The following CBLB variants were observed in gnomAD, a reference collection of about 807,000 sequenced individuals.
CBLB encodes Cbl proto-oncogene B, also known as E3 ubiquitin-protein ligase CBL-B.
Under a neutral mutation model 104.9 loss-of-function variants are expected in CBLB, and 31 were observed. That is an observed-to-expected ratio of 0.30 (90% CI 0.22 to 0.40). CBLB has a LOEUF of 0.40. Among genes scored for constraint, CBLB ranks in the 10% least tolerant of loss-of-function variants. CBLB has a pLI of 1.00. For missense variants in CBLB, 1,062 were observed against 1,214.6 expected (o/e 0.87, Z 1.87); for synonymous variants, 440 against 422.6 (o/e 1.04, Z -0.51).
At chr3:105,776,574 G>T (rs761214041) in intron 3 of CBLB, 32 bp from the exon 4 acceptor site, 5 of 1,607,726 alleles carry the variant, frequency 3.1e-6, no homozygotes, top group Non-Finnish European at 4.3e-6. Context: ...ATGAAGATAA[G>T]AAATAAACAC....
intron 4 of CBLB, among the ~76,000 whole-genome samples, chr3:105,761,457 G>A (rs1230776339): frequency 1.3e-5 from 2 of 152,172 alleles, no homozygotes; most frequent in African/African-American, 2.4e-5. Flanking sequence ...CTGAATCATG[G>A]GGGCAGTTTC....
intron 3 of CBLB, among the ~76,000 whole-genome samples, chr3:105,837,190 T>C (rs578180003): frequency 1.3e-5 from 2 of 152,230 alleles, no homozygotes. Context: ...TTAAAAAACA[T>C]TGTGCACGCG....
intron 3 of CBLB, among the ~76,000 whole-genome samples, chr3:105,809,629 T>A (rs1396087408): frequency 1.3e-5 from 2 of 152,194 alleles, no homozygotes; most frequent in Non-Finnish European, 2.9e-5. Flanking sequence ...TTTTTTATGA[T>A]TGGTGGAGTC....
At chr3:105,801,074 CTGTT>C (rs1164374124) in intron 3 of CBLB, among the ~76,000 whole-genome samples, 2 of 152,014 alleles carry the variant, frequency 1.3e-5, no homozygotes, top group African/African-American at 2.4e-5. Context: ...ATTCTCACAA[CTGTT>C]TTTTTCTTAA....
intron 3 of CBLB, among the ~76,000 whole-genome samples, chr3:105,791,863 T>G (rs1320588462): frequency 6.6e-6 from 1 of 152,236 alleles, no homozygotes; most frequent in African/African-American, 2.4e-5. Context: ...TGGATTTTAT[T>G]AATATCTATT....
intron 3 of CBLB, among the ~76,000 whole-genome samples, chr3:105,830,409 C>A (rs1336196669): frequency 6.6e-6 from 1 of 152,156 alleles, no homozygotes; most frequent in African/African-American, 2.4e-5. Context: ...CTATAAGGAT[C>A]TGAATGTTTT....
intron 9 of CBLB, among the ~76,000 whole-genome samples, chr3:105,730,510 C>G (rs1321933917): frequency 6.6e-6 from 1 of 151,914 alleles, no homozygotes; most frequent in Admixed American, 6.6e-5. Context: ...TGCGTAATGA[C>G]CAATGTGCAG....
intron 3 of CBLB, among the ~76,000 whole-genome samples, chr3:105,784,527 A>T (rs1011594392): frequency 1.3e-5 from 2 of 152,248 alleles, no homozygotes; most frequent in African/African-American, 2.4e-5. Flanking sequence ...TTTTAAACAA[A>T]TCTACATTAA....
intron 12 of CBLB, among the ~76,000 whole-genome samples, chr3:105,696,592 TAAG>T (rs2152764722): frequency 6.6e-6 from 1 of 151,984 alleles, no homozygotes; most frequent in Middle Eastern, 3.4e-3. Flanking sequence ...AATCCTCAAC[TAAG>T]AAACATTTTT....
intron 3 of CBLB, among the ~76,000 whole-genome samples, chr3:105,846,857 T>C (rs1490129071): frequency 6.6e-6 from 1 of 152,126 alleles, no homozygotes; most frequent in African/African-American, 2.4e-5. Flanking sequence ...AAATTACACA[T>C]ACAGATCAAT....
intron 8 of CBLB, among the ~76,000 whole-genome samples, chr3:105,735,609 C>T (rs1382967454): frequency 6.6e-6 from 1 of 152,118 alleles, no homozygotes; most frequent in Non-Finnish European, 1.5e-5. Flanking sequence ...TTTGAAAATA[C>T]AGGATCACCA....
intron 10 of CBLB, among the ~76,000 whole-genome samples, chr3:105,718,602 A>T (rs1043481812): frequency 1.3e-5 from 2 of 152,218 alleles, no homozygotes; most frequent in Non-Finnish European, 2.9e-5. Context: ...ACACATTATC[A>T]TCACTCCACC....
intron 3 of CBLB, among the ~76,000 whole-genome samples, chr3:105,809,472 T>C (rs1214481815): frequency 6.6e-6 from 1 of 152,174 alleles, no homozygotes; most frequent in Non-Finnish European, 1.5e-5. Context: ...CAGCCACTCA[T>C]GAGTCTACAA....
intron 13 of CBLB, among the ~76,000 whole-genome samples, chr3:105,693,247 C>T (rs918460516): frequency 2.6e-5 from 4 of 151,962 alleles, no homozygotes; most frequent in Non-Finnish European, 4.4e-5. Flanking sequence ...GCAAGGAATG[C>T]GTAGCTTTCT....
chr3:105,799,587 C>T (rs1020063105), intron 3 of CBLB, among the ~76,000 whole-genome samples: 1 of 151,516 alleles, frequency 6.6e-6, no homozygotes, highest in African/African-American at 2.4e-5. Context: ...AGATTACATA[C>T]AAGTGATTTT....
Position 105,737,181 on chromosome 3 carries a change from T to C in CBLB, c.1061A>G (p.Lys354Arg). ...LCEPTPHDHIKVTQEQYELYC... is the reference protein window; with the variant it reads ...LCEPTPHDHIRVTQEQYELYC... ...AGCAATTATCCTTACCTGTGTAACT[T>C]TTATATGGTCATGAGGTGTAGGTTC... The change falls in exon 8 of 19, where the codon AAA becomes AGA. Residue 354 changes from lysine to arginine, a missense_variant. Lys to Arg is a conservative substitution (Grantham distance 26, BLOSUM62 2). Around this residue, in one of 2 missense-constraint regions of CBLB, gnomAD observed 457 missense variants for 632.0 expected, o/e 0.72. Coordinates refer to ENST00000394030, the MANE Select transcript of CBLB (RefSeq NM_170662.5). 1 of 1,559,460 alleles carries C rather than the reference T, an allele frequency of 6.4e-7. No homozygotes were observed. Among genetic ancestry groups the C allele is most frequent in the Non-Finnish European group, 8.8e-7 (1 of 1,133,822 alleles).
chr3:105,827,322 T>A (rs1160110448), intron 3 of CBLB, among the ~76,000 whole-genome samples: 1 of 152,188 alleles, frequency 6.6e-6, no homozygotes, highest in East Asian at 1.9e-4. Flanking sequence ...GAAACTTTTT[T>A]TTTCCCTCGT....
intron 3 of CBLB, among the ~76,000 whole-genome samples, chr3:105,827,897 A>G (rs1481145976): frequency 6.6e-6 from 1 of 152,252 alleles, no homozygotes; most frequent in Non-Finnish European, 1.5e-5. Flanking sequence ...TGCAAATTTG[A>G]AACTTAAACC....
intron 2 of CBLB, among the ~76,000 whole-genome samples, chr3:105,854,866 T>C (rs1378173645): frequency 1.3e-5 from 2 of 151,912 alleles, no homozygotes; most frequent in Non-Finnish European, 2.9e-5. Flanking sequence ...CTCCTGACCT[T>C]GTGATCCACC....
Sources: gnomAD v4.1 joint callset for allele counts (sites outside exome capture counted in the v4.1 genomes callset) on GRCh38, gnomAD v4.1.1 for gene constraint, gnomAD v4.1.1 regional missense constraint, MANE v1.5 for transcripts, NCBI Gene and HGNC (gene_info 2026-07-23, HGNC 2026-07-21) for gene names.